NPHP4: variants seen among roughly 807,000 people sequenced by gnomAD.
The protein encoded by NPHP4 is nephrocystin 4, also known as nephrocystin-4.
In NPHP4, 151 loss-of-function variants were observed where a neutral mutation model predicts 155.8. That is an observed-to-expected ratio of 0.97 (90% confidence interval 0.85 to 1.11). The LOEUF (loss-of-function observed/expected upper bound fraction) is 1.11. Among genes scored for constraint, NPHP4 ranks in the 50% least tolerant of loss-of-function variants. The pLI, the probability that NPHP4 is intolerant of heterozygous loss-of-function variation, is 0.00. For missense variants in NPHP4, 1,956 were observed against 1,925.7 expected (o/e 1.02, Z -0.29); for synonymous variants, 845 against 816.8 (o/e 1.03, Z -0.59).
At chr1:5,940,200 G>A (rs1646750943) in intron 9 of NPHP4, among the ~76,000 whole-genome samples, 1 of 152,156 alleles carries the variant, frequency 6.6e-6, no homozygotes. Context: ...GGCCATGAGG[G>A]TGGAGTGAAT....
chr1:5,880,998 C>A (rs781101965), intron 18 of NPHP4: 1 of 152,296 alleles, frequency 6.6e-6, no homozygotes, highest in Non-Finnish European at 1.5e-5. Context: ...TCCGACGAGG[C>A]AGTGTTGAGT....
At chr1:5,949,689 A>C (rs1394028486) in intron 7 of NPHP4, among the ~76,000 whole-genome samples, 3 of 151,988 alleles carry the variant, frequency 2.0e-5, no homozygotes, top group African/African-American at 7.3e-5. Context: ...AGGGGAAACA[A>C]GCAGAGATGT....
intron 8 of NPHP4, 81 bp from the exon 9 acceptor site, chr1:5,947,311 C>A: frequency 6.6e-7 from 1 of 1,513,838 alleles, no homozygotes; most frequent in South Asian, 1.2e-5. Flanking sequence ...ACTGTCAGAA[C>A]AGTCAAGGGG....
intron 16 of NPHP4, among the ~76,000 whole-genome samples, chr1:5,901,931 C>T (rs190110280): frequency 7.2e-5 from 11 of 152,284 alleles, no homozygotes; most frequent in Non-Finnish European, 1.3e-4. Flanking sequence ...TTGGAACCGC[C>T]CTGGTGGTGA....
chr1:5,868,356 G>A (rs1557595813), intron 23 of NPHP4: 3 of 282,586 alleles, frequency 1.1e-5, no homozygotes, highest in African/African-American at 2.2e-5. Flanking sequence ...ATGGCAAAAA[G>A]AGGCTGTGCC....
chr1:5,904,511 A>AT, intron 16 of NPHP4, 106 bp downstream of exon 16: 1 of 838,894 alleles, frequency 1.2e-6, no homozygotes, highest in South Asian at 1.9e-5. Flanking sequence ...CTAATGTTGC[A>AT]TATGTTTTAA....
intron 1 of NPHP4, among the ~76,000 whole-genome samples, 172 bp downstream of exon 1, chr1:5,992,072 G>A (rs1396301002): frequency 6.6e-6 from 1 of 150,916 alleles, no homozygotes; most frequent in African/African-American, 2.5e-5. Context: ...CCCCCGCCGC[G>A]CGCCACCGCC....
intron 10 of NPHP4, among the ~76,000 whole-genome samples, chr1:5,932,477 G>GGGTTT (rs1646326380): frequency 6.6e-6 from 1 of 152,090 alleles, no homozygotes; most frequent in African/African-American, 2.4e-5. Flanking sequence ...ACGGACTCTA[G>GGGTTT]CCATCTGCCA....
rs74049327 is a variant in NPHP4 at position 5,959,249 on chromosome 1, G to T, written c.673+2545C>A. Among the ~76,000 whole-genome samples, 1,160 of 152,292 alleles carry T rather than the reference G, an allele frequency of 7.6e-3. 13 individuals carry two copies. Among genetic ancestry groups the T allele is most frequent in the African/African-American group, 0.026 (1,074 of 41,544 alleles). ...TTAATTTTGCAATGTTCTAGGCACT[G>T]CCAGCATTCGTTTGGCACCTTGGTG... is the stretch of plus-strand genomic sequence containing the variant. On this transcript the variant is annotated intron_variant, in intron 6 of 29. Coordinates refer to ENST00000378156, the MANE Select transcript of NPHP4 (RefSeq NM_015102.5).
At chr1:5,926,368 T>C (rs373733395) in intron 11 of NPHP4, among the ~76,000 whole-genome samples, 164 of 152,364 alleles carry the variant, frequency 1.1e-3, no homozygotes, top group African/African-American at 3.7e-3. Context: ...TATTATGTAT[T>C]ACTATTGTAC....
At chr1:5,926,393 A>C (rs1388095522) in intron 11 of NPHP4, among the ~76,000 whole-genome samples, 2 of 152,228 alleles carry the variant, frequency 1.3e-5, no homozygotes, top group Non-Finnish European at 2.9e-5. Flanking sequence ...AAGTAACTTA[A>C]TCAAAAATCA....
intron 11 of NPHP4, among the ~76,000 whole-genome samples, chr1:5,916,765 T>TC (rs1645494394): frequency 6.6e-6 from 1 of 152,224 alleles, no homozygotes; most frequent in Non-Finnish European, 1.5e-5. Context: ...ATCCCAGCAT[T>TC]CTGGGGCCAA....
At chr1:5,887,255 G>C in intron 18 of NPHP4, 31 bp downstream of exon 18, 1 of 1,593,538 alleles carries the variant, frequency 6.3e-7, no homozygotes, top group Non-Finnish European at 8.6e-7. Context: ...GGCGGCCGCT[G>C]GAGAAATGGC....
At chr1:5,901,899 T>C (rs1644700443) in intron 16 of NPHP4, among the ~76,000 whole-genome samples, 1 of 152,184 alleles carries the variant, frequency 6.6e-6, no homozygotes, top group Non-Finnish European at 1.5e-5. Flanking sequence ...GTGGTTGGCT[T>C]AGTTGAAGTG....
At position 5,928,198 on chromosome 1, in the gene NPHP4, T is replaced by C. The variant is rs564234580; in HGVS notation, c.1303-411A>G. ...GTGCTCCCTTGCCCTGCCCTGCCCC[T>C]CTGCAGCCACACCCAGCCCATGCCT... On this transcript the variant is annotated intron_variant, in intron 10 of 29. Transcript: ENST00000378156. Among the ~76,000 whole-genome samples the C allele has an allele frequency of 3.3e-5, 5 of 151,454 alleles. No homozygotes were observed. The East Asian group carries it at 9.7e-4, about 29-fold the overall frequency.
intron 18 of NPHP4, chr1:5,886,954 A>G: frequency 3.7e-6 from 1 of 268,910 alleles, no homozygotes; most frequent in South Asian, 1.1e-4. Context: ...CTCCATCATG[A>G]GGCACAGGGA....
chr1:5,874,365 T>A, intron 22 of NPHP4, 106 bp downstream of exon 22: 1 of 1,132,102 alleles, frequency 8.8e-7, no homozygotes, highest in Non-Finnish European at 1.2e-6. Context: ...CCAAGGCTAG[T>A]CTGTCTGCAC....
chr1:5,903,247 A>G lies in NPHP4; in HGVS notation c.2143+1370T>C, dbSNP rs527241081. ...ATAAGTCCATCAAGTTCTCCTCTCT[A>G]TCTTGAGGCTACGTATGTTAGAAGA... On this transcript the variant is annotated intron_variant, in intron 16 of 29. Coordinates refer to ENST00000378156, the MANE Select transcript of NPHP4 (RefSeq NM_015102.5). Among the ~76,000 whole-genome samples, 4 of 152,256 alleles carry G rather than the reference A, an allele frequency of 2.6e-5. No individual in the cohort carries two copies. In the East Asian group the frequency reaches 7.7e-4, roughly 29 times the overall value.
intron 7 of NPHP4, among the ~76,000 whole-genome samples, chr1:5,950,322 A>G (rs1439196140): frequency 6.6e-6 from 1 of 152,148 alleles, no homozygotes; most frequent in Non-Finnish European, 1.5e-5. Flanking sequence ...AGGACCTGGC[A>G]CCAAGGCAGG....
Sources: allele counts gnomAD v4.1 joint callset (sites outside exome capture counted in the v4.1 genomes callset), GRCh38; gene constraint gnomAD v4.1.1; transcripts MANE v1.5; gene names NCBI Gene and HGNC (gene_info 2026-07-23, HGNC 2026-07-21).